DGLUCY: variants seen among roughly 807,000 people sequenced by gnomAD.
DGLUCY encodes the protein D-glutamate cyclase, mitochondrial.
A neutral mutation model predicts 58.5 loss-of-function variants in DGLUCY; 58 were observed. The ratio of observed to expected loss-of-function variants is 0.99; its 90% CI spans 0.80 to 1.23. DGLUCY has a LOEUF of 1.23. DGLUCY is among the 50% of genes most tolerant of loss of function. The pLI, the probability that DGLUCY is intolerant of heterozygous loss-of-function variation, is 0.00. For missense variants in DGLUCY, 779 were observed against 784.7 expected (o/e 0.99, Z 0.09); for synonymous variants, 325 against 314.1 (o/e 1.03, Z -0.37).
intron 1 of DGLUCY, among the ~76,000 whole-genome samples, chr14:91,145,878 A>G (rs184933047): frequency 6.6e-6 from 1 of 151,610 alleles, no homozygotes; most frequent in Admixed American, 6.6e-5. Flanking sequence ...TCCCTCTTTA[A>G]TTTTCTTTTT....
chr14:91,196,485 C>A lies in DGLUCY; in HGVS notation c.1295+11C>A. On this transcript the variant is annotated intron_variant, in intron 10 of 13. Coordinates refer to ENST00000256324, the MANE Select transcript of DGLUCY (RefSeq NM_001102368.3). The stretch of plus-strand genomic sequence containing the variant: ...CCCGCAGACACCTAGGTACGTATGT[C>A]GCATCCCAGTTTAAGTGGCGGATGG... 2 of 1,609,718 alleles carry A rather than the reference C, an allele frequency of 1.2e-6. No individual in the cohort carries two copies. Among genetic ancestry groups the A allele is most frequent in the South Asian group, 1.1e-5 (1 of 90,830 alleles).
intron 1 of DGLUCY, among the ~76,000 whole-genome samples, chr14:91,081,806 A>G (rs2044131934): frequency 3.3e-5 from 5 of 151,936 alleles, no homozygotes; most frequent in Admixed American, 3.3e-4. Flanking sequence ...CAGTGGCACC[A>G]TCTCAGCCCA....
At chr14:91,144,372 C>A (rs2046903129) in intron 1 of DGLUCY, among the ~76,000 whole-genome samples, 1 of 152,114 alleles carries the variant, frequency 6.6e-6, no homozygotes, top group Non-Finnish European at 1.5e-5. Flanking sequence ...CCGGCCTGAC[C>A]AATATGGTGA....
intron 13 of DGLUCY, chr14:91,216,345 A>G (rs1228259844): frequency 1.9e-5 from 3 of 153,860 alleles, no homozygotes; most frequent in Non-Finnish European, 2.9e-5. Flanking sequence ...TGGGGCCATT[A>G]AGAATCCCTG....
At chr14:91,152,521 G>C (rs2047388946) in intron 1 of DGLUCY, among the ~76,000 whole-genome samples, 1 of 152,098 alleles carries the variant, frequency 6.6e-6, no homozygotes, top group African/African-American at 2.4e-5. Context: ...CCCCAATCTT[G>C]TCTCTGCTAT....
chr14:91,169,618 C>T (rs985613564), intron 4 of DGLUCY, among the ~76,000 whole-genome samples: 33 of 151,896 alleles, frequency 2.2e-4, no homozygotes, highest in African/African-American at 7.5e-4. Context: ...CCTTGTTGCC[C>T]AGGCTTGTCT....
chr14:91,152,204 G>A (rs936973482), intron 1 of DGLUCY, among the ~76,000 whole-genome samples: 2 of 152,150 alleles, frequency 1.3e-5, no homozygotes, highest in Admixed American at 6.5e-5. Flanking sequence ...AGCCTGGGTA[G>A]CATAGTGAGA....
chr14:91,118,215 G>A (rs902747280), intron 1 of DGLUCY, among the ~76,000 whole-genome samples: 1 of 151,374 alleles, frequency 6.6e-6, no homozygotes, highest in Admixed American at 6.6e-5. Context: ...CAAGTAGCTG[G>A]GATTACAGGC....
intron 1 of DGLUCY, among the ~76,000 whole-genome samples, chr14:91,138,453 T>C (rs563302441): frequency 2.6e-4 from 40 of 152,168 alleles, no homozygotes; most frequent in African/African-American, 9.2e-4. Context: ...ATTGCGCCAT[T>C]GCACTCCAGC....
At chr14:91,065,267 A>C (rs2043801598) in intron 1 of DGLUCY, among the ~76,000 whole-genome samples, 1 of 152,228 alleles carries the variant, frequency 6.6e-6, no homozygotes, top group South Asian at 2.1e-4. Context: ...AGCCTGAATC[A>C]GGATAGTGAA....
At chr14:91,098,361 G>T (rs1435864144) in intron 1 of DGLUCY, among the ~76,000 whole-genome samples, 3 of 152,144 alleles carry the variant, frequency 2.0e-5, no homozygotes, top group Admixed American at 2.0e-4. Flanking sequence ...AGGAGGCTGA[G>T]GCAGGAGGAT....
At chr14:91,196,894 T>C (rs540988821) in intron 10 of DGLUCY, among the ~76,000 whole-genome samples, 1 of 152,270 alleles carries the variant, frequency 6.6e-6, no homozygotes, top group African/African-American at 2.4e-5. Flanking sequence ...TGTATAGTAA[T>C]GGCAAGTACT....
At chr14:91,214,978 G>A (rs756296156) in intron 12 of DGLUCY, among the ~76,000 whole-genome samples, 4 of 152,142 alleles carry the variant, frequency 2.6e-5, no homozygotes, top group Non-Finnish European at 4.4e-5. Flanking sequence ...GTGAAACCCC[G>A]TCCCTTCTAA....
intron 1 of DGLUCY, among the ~76,000 whole-genome samples, chr14:91,127,911 G>T (rs911825775): frequency 1.0e-4 from 15 of 150,464 alleles, no homozygotes; most frequent in African/African-American, 3.7e-4. Flanking sequence ...CACACCCCAG[G>T]CACCTGGCTT....
chr14:91,140,648 A>G (rs1387311209), intron 1 of DGLUCY, among the ~76,000 whole-genome samples: 1 of 152,118 alleles, frequency 6.6e-6, no homozygotes, highest in Non-Finnish European at 1.5e-5. Context: ...TCCAGCATGG[A>G]TGACAGAGTG....
intron 1 of DGLUCY, among the ~76,000 whole-genome samples, chr14:91,071,695 C>G (rs376135769): frequency 6.6e-6 from 1 of 151,762 alleles, no homozygotes; most frequent in Non-Finnish European, 1.5e-5. Context: ...TGGTGAAACC[C>G]CGTCTCTACT....
At chr14:91,174,938 A>G (rs2048774417) in intron 6 of DGLUCY, among the ~76,000 whole-genome samples, 1 of 152,084 alleles carries the variant, frequency 6.6e-6, no homozygotes, top group Admixed American at 6.6e-5. Context: ...TTCTGTGTGG[A>G]TGACTGTTAC....
intron 1 of DGLUCY, among the ~76,000 whole-genome samples, chr14:91,143,478 T>C (rs1191984429): frequency 1.3e-5 from 2 of 152,188 alleles, no homozygotes; most frequent in East Asian, 3.8e-4. Flanking sequence ...GACAAAGCCT[T>C]AGGTGTAATC....
chr14:91,118,148 T>G (rs1352658404), intron 1 of DGLUCY, among the ~76,000 whole-genome samples: 1 of 141,708 alleles, frequency 7.1e-6, no homozygotes, highest in Non-Finnish European at 1.5e-5. Flanking sequence ...TGGGATGATC[T>G]TGGCTCACTG....
Sources: gnomAD v4.1 joint callset for allele counts (sites outside exome capture counted in the v4.1 genomes callset) on GRCh38, gnomAD v4.1.1 for gene constraint, MANE v1.5 for transcripts, NCBI Gene and HGNC (gene_info 2026-07-23, HGNC 2026-07-21) for gene names.